Variants in CSMD1 observed in about 807,000 individuals in gnomAD.
CSMD1 encodes CUB and sushi domain-containing protein 1.
A neutral mutation model predicts 417.5 loss-of-function variants in CSMD1; 213 were observed. That is an observed-to-expected ratio of 0.51 (90% CI 0.46 to 0.57). CSMD1 has a LOEUF of 0.57. Ranked by LOEUF, CSMD1 falls within the 20% of genes least tolerant of loss-of-function variation. The pLI, the probability that CSMD1 is intolerant of heterozygous loss-of-function variation, is 0.00. For synonymous variants in CSMD1, 2,862 were observed against 1,736.8 expected, an observed-to-expected ratio of 1.65 and a Z score of -16.11; for missense variants, 6,923 against 4,529.7, an observed-to-expected ratio of 1.53 and a Z score of -15.17.
intron 1 of CSMD1, among the ~76,000 whole-genome samples, chr8:4,977,997 G>C (rs1057361189): frequency 6.6e-6 from 1 of 152,170 alleles, no homozygotes; most frequent in Non-Finnish European, 1.5e-5. Flanking sequence ...CCCTGTTGAT[G>C]TGTGCTTGGC....
chr8:3,942,385 C>A (rs1242759840), intron 5 of CSMD1, among the ~76,000 whole-genome samples: 2 of 152,104 alleles, frequency 1.3e-5, no homozygotes, highest in African/African-American at 2.4e-5. Context: ...AACCCAAGCA[C>A]CTTTTCTCAA....
chr8:3,248,585 A>C (rs1317915869), intron 26 of CSMD1, among the ~76,000 whole-genome samples: 1 of 130,858 alleles, frequency 7.6e-6, no homozygotes, highest in Admixed American at 9.9e-5. Flanking sequence ...CCTGGAGTAC[A>C]GTGGCGCGAT....
chr8:4,539,867 G>C (rs1797292722), intron 2 of CSMD1, among the ~76,000 whole-genome samples: 1 of 152,104 alleles, frequency 6.6e-6, no homozygotes, highest in Non-Finnish European at 1.5e-5. Flanking sequence ...GTCACCTTCT[G>C]CCTCAAGACA....
chr8:4,139,907 C>A (rs1803678891), intron 3 of CSMD1, among the ~76,000 whole-genome samples: 1 of 150,884 alleles, frequency 6.6e-6, no homozygotes, highest in Non-Finnish European at 1.5e-5. Flanking sequence ...AGGGAGGACA[C>A]CTCATCTTCA....
At chr8:3,722,289 C>G (rs574544613) in intron 6 of CSMD1, among the ~76,000 whole-genome samples, 3 of 152,244 alleles carry the variant, frequency 2.0e-5, no homozygotes, top group East Asian at 3.9e-4. Context: ...GCCTGGGCGA[C>G]AGAGTGAGAC....
At chr8:4,969,579 T>G (rs968501520) in intron 1 of CSMD1, among the ~76,000 whole-genome samples, 2 of 151,872 alleles carry the variant, frequency 1.3e-5, no homozygotes, top group African/African-American at 4.8e-5. Flanking sequence ...CTCAGTTCTA[T>G]TTTTATCTCA....
At chr8:3,388,959 T>A (rs1473248683) in intron 17 of CSMD1, among the ~76,000 whole-genome samples, 1 of 151,496 alleles carries the variant, frequency 6.6e-6, no homozygotes, top group Non-Finnish European at 1.5e-5. Flanking sequence ...TCAGAGGCAT[T>A]GTTTATGACT....
At chr8:3,635,853 C>G (rs909655140) in intron 7 of CSMD1, among the ~76,000 whole-genome samples, 1 of 148,982 alleles carries the variant, frequency 6.7e-6, no homozygotes, top group Admixed American at 6.7e-5. Flanking sequence ...ACACTGCACA[C>G]TTAGGTTACT....
chr8:3,318,898 A>G (rs1805962628), intron 23 of CSMD1, among the ~76,000 whole-genome samples: 1 of 152,186 alleles, frequency 6.6e-6, no homozygotes, highest in Admixed American at 6.6e-5. Flanking sequence ...AACACAGGTC[A>G]TGCTTGATGG....
At chr8:3,162,015 C>G (rs1307479818) in intron 38 of CSMD1, 144 bp downstream of exon 38, 2 of 590,996 alleles carry the variant, frequency 3.4e-6, no homozygotes, top group East Asian at 5.5e-5. Flanking sequence ...ACGAAGATGA[C>G]CAACATGCAT....
intron 2 of CSMD1, among the ~76,000 whole-genome samples, chr8:4,523,247 A>T (rs1448637862): frequency 1.3e-5 from 2 of 152,202 alleles, no homozygotes; most frequent in Non-Finnish European, 2.9e-5. Context: ...ATAAAAACAA[A>T]CATAGATTGA....
intron 4 of CSMD1, 115 bp downstream of exon 4, chr8:4,031,790 T>C (rs775402867): frequency 3.6e-5 from 26 of 727,438 alleles, no homozygotes; most frequent in Non-Finnish European, 5.3e-5. Context: ...GCTGACATTG[T>C]AAGAGTCAGC....
chr8:3,306,541 G>C (rs1476973141), intron 25 of CSMD1, among the ~76,000 whole-genome samples: 3 of 152,150 alleles, frequency 2.0e-5, no homozygotes, highest in Non-Finnish European at 4.4e-5. Context: ...GATTCATTTA[G>C]TCTTTTGTGG....
chr8:3,006,694 T>C (rs1326598038), intron 52 of CSMD1, among the ~76,000 whole-genome samples: 1 of 151,374 alleles, frequency 6.6e-6, no homozygotes, highest in Non-Finnish European at 1.5e-5. Context: ...ATTTAATAAA[T>C]GGTGCTGGGA....
intron 32 of CSMD1, 47 bp from the exon 33 acceptor site, chr8:3,199,856 G>T: frequency 8.7e-7 from 1 of 1,145,192 alleles, no homozygotes; most frequent in Non-Finnish European, 1.3e-6. Context: ...CAGCACCGTG[G>T]GGGACGGTAG....
chr8:3,826,201 G>C (rs1463478151), intron 5 of CSMD1, among the ~76,000 whole-genome samples: 1 of 152,236 alleles, frequency 6.6e-6, no homozygotes, highest in South Asian at 2.1e-4. Flanking sequence ...AGGCCTTCAC[G>C]GTGGAGCTGG....
At chr8:4,169,486 A>C (rs1797643815) in intron 3 of CSMD1, among the ~76,000 whole-genome samples, 1 of 152,014 alleles carries the variant, frequency 6.6e-6, no homozygotes, top group Admixed American at 6.6e-5. Flanking sequence ...AATTCTGACC[A>C]CCTCTACTGC....
chr8:3,069,621 A>G (rs1014841541), intron 49 of CSMD1, among the ~76,000 whole-genome samples: 2 of 152,134 alleles, frequency 1.3e-5, no homozygotes, highest in African/African-American at 4.8e-5. Flanking sequence ...GTGGTTTTGC[A>G]GGGAGCAGCC....
At chr8:4,795,048 T>A (rs1490711437) in intron 1 of CSMD1, among the ~76,000 whole-genome samples, 1 of 151,864 alleles carries the variant, frequency 6.6e-6, no homozygotes, top group Admixed American at 6.6e-5. Context: ...TGGGTGTGTG[T>A]TTAAGTTTCT....
Sources: gnomAD v4.1 joint callset for allele counts (sites outside exome capture counted in the v4.1 genomes callset) on GRCh38, gnomAD v4.1.1 for gene constraint, MANE v1.5 for transcripts, NCBI Gene and HGNC (gene_info 2026-07-23, HGNC 2026-07-21) for gene names.